The following MFN1 variants were observed in gnomAD, a reference collection of about 807,000 sequenced individuals.
MFN1 encodes mitofusin-1.
Under a neutral mutation model 92.4 loss-of-function variants are expected in MFN1, and 65 were observed. That is an observed-to-expected ratio of 0.70 (90% confidence interval 0.58 to 0.86). The LOEUF (loss-of-function observed/expected upper bound fraction) is 0.86. MFN1 is among the 40% of genes least tolerant of loss of function. MFN1 has a pLI of 0.00. For synonymous variants in MFN1, 297 were observed against 300.9 expected (o/e 0.99, Z 0.13); for missense variants, 781 against 868.0 (o/e 0.90, Z 1.26).
intron 2 of MFN1, among the ~76,000 whole-genome samples, chr3:179,350,676 TA>T (rs1296260477): frequency 1.3e-5 from 2 of 151,804 alleles, no homozygotes; most frequent in Admixed American, 6.6e-5. Context: ...AAAGCAAAAA[TA>T]AATGTAATGA....
intron 4 of MFN1, among the ~76,000 whole-genome samples, chr3:179,360,986 T>C (rs1402060024): frequency 6.6e-6 from 1 of 152,022 alleles, no homozygotes; most frequent in Non-Finnish European, 1.5e-5. Context: ...TAGCCAAGCA[T>C]AGTGGCGCAT....
At chr3:179,366,470 A>G (rs772469567) in intron 7 of MFN1, among the ~76,000 whole-genome samples, 1 of 151,816 alleles carries the variant, frequency 6.6e-6, no homozygotes, top group Non-Finnish European at 1.5e-5. Context: ...AATAATATTT[A>G]TTTAATTTGC....
rs368950182 is a variant in MFN1 at position 179,365,551 on chromosome 3, G to A, written c.753+326G>A. ...CCTAAAGTGCTGGGATGACAGGCCT[G>A]AGCCACCATGCCTGGCCAAATTTTA... On this transcript the variant is annotated intron_variant, in intron 7 of 17. Transcript: ENST00000471841. 1.8e-3 allele frequency among the ~76,000 whole-genome samples: 273 copies of A among 152,232 alleles called. 3 individuals are homozygous for A. Among genetic ancestry groups the A allele is most frequent in the African/African-American group, 6.3e-3 (260 of 41,532 alleles).
chr3:179,353,584 T>C (rs1272160186), intron 3 of MFN1, among the ~76,000 whole-genome samples: 1 of 152,058 alleles, frequency 6.6e-6, no homozygotes, highest in African/African-American at 2.4e-5. Context: ...AAAAAGGCAG[T>C]GATCAGGTAC....
Position 179,364,305 on chromosome 3 carries a change from C to T in MFN1, c.545C>T (p.Thr182Ile), listed in dbSNP as rs1402323188. The T allele has an allele frequency of 1.2e-6, 2 of 1,609,170 alleles. No homozygotes were observed. Among genetic ancestry groups the T allele is most frequent in the Non-Finnish European group, 8.5e-7 (1 of 1,177,886 alleles). The change falls in exon 6 of 18, where the codon ACA (threonine) becomes ATA (isoleucine). Residue 182 changes from threonine to isoleucine, a missense_variant. By Grantham distance (89) the Thr-to-Ile change is moderately conservative (BLOSUM62 -1). Transcript: ENST00000471841. ...DDLVLVDSPGTDVTTELDSWI... is the reference protein window; with the variant it reads ...DDLVLVDSPGIDVTTELDSWI... ...TATTTCACTCTCATTAGTCCAGGCA[C>T]AGATGTCACTACAGAGCTGGATAGC... is the stretch of plus-strand genomic sequence containing the variant.
At chr3:179,373,299 A>G (rs1713093762) in intron 9 of MFN1, among the ~76,000 whole-genome samples, 1 of 152,220 alleles carries the variant, frequency 6.6e-6, no homozygotes, top group Non-Finnish European at 1.5e-5. Context: ...AAGGCTAAGC[A>G]TAGGTCGTAA....
chr3:179,380,920 T>C (rs181026873), intron 14 of MFN1, among the ~76,000 whole-genome samples: 1 of 147,092 alleles, frequency 6.8e-6, no homozygotes, highest in East Asian at 2.0e-4. Flanking sequence ...ATTGGTGACT[T>C]TGAAGTATGT....
chr3:179,378,637 G>A lies in MFN1; in HGVS notation c.1485G>A (p.Leu495=). 1 of 1,613,630 alleles carries A rather than the reference G, an allele frequency of 6.2e-7. No homozygotes were observed. Among genetic ancestry groups the A allele is most frequent in the East Asian group, 2.2e-5 (1 of 44,862 alleles). The change falls in exon 14 of 18, where the codon CTG becomes CTA. Residue 495 remains leucine (L), a synonymous_variant. Coordinates refer to ENST00000471841, the MANE Select transcript of MFN1 (RefSeq NM_033540.3). The stretch of plus-strand genomic sequence containing the variant: ...GTATACAGGATAAACTACATACACT[G>A]ATCCCTTGCAAGAAATTTGATCTCA... ...PAGIQDKLHT[L]IPCKKFDLSY...
intron 14 of MFN1, among the ~76,000 whole-genome samples, chr3:179,385,233 T>C (rs1304030284): frequency 3.6e-5 from 5 of 139,730 alleles, no homozygotes; most frequent in African/African-American, 1.3e-4. Context: ...TTTTTTTTTT[T>C]AGTTTATCAT....
chr3:179,352,854 C>T lies in MFN1; in HGVS notation c.248+819C>T, dbSNP rs375459361. The stretch of plus-strand genomic sequence containing the variant: ...GCAACCTCCACATCCCGGGTTCAAG[C>T]GATTCTCCTGCCTCAGCCTCCCTAG... On this transcript the variant is annotated intron_variant, in intron 3 of 17. Coordinates refer to ENST00000471841, the MANE Select transcript of MFN1 (RefSeq NM_033540.3). Among the ~76,000 whole-genome samples, 12 of 152,026 alleles carry T rather than the reference C, an allele frequency of 7.9e-5. No individual in the cohort carries two copies. In the East Asian group the frequency reaches 9.7e-4, roughly 12 times the overall value.
At chr3:179,357,528 T>A (rs1712391007) in intron 3 of MFN1, among the ~76,000 whole-genome samples, 1 of 152,124 alleles carries the variant, frequency 6.6e-6, no homozygotes, top group African/African-American at 2.4e-5. Context: ...ATCCATAACA[T>A]AAAGAAAAGT....
intron 3 of MFN1, among the ~76,000 whole-genome samples, chr3:179,355,081 G>T (rs946909155): frequency 6.6e-6 from 1 of 152,102 alleles, no homozygotes; most frequent in African/African-American, 2.4e-5. Flanking sequence ...ACAGGTGTGA[G>T]CCCCCGTGCC....
intron 1 of MFN1, 150 bp from the exon 2 acceptor site, chr3:179,348,695 C>T (rs1712017621): frequency 8.2e-7 from 1 of 1,221,828 alleles, no homozygotes; most frequent in Admixed American, 2.6e-5. Flanking sequence ...AACTGTCTGA[C>T]TAGAACACTC....
intron 9 of MFN1, 34 bp from the exon 10 acceptor site, chr3:179,375,186 T>G: frequency 6.5e-7 from 1 of 1,549,942 alleles, no homozygotes; most frequent in Non-Finnish European, 8.7e-7. Flanking sequence ...GCGATGGAAT[T>G]ACAGTAATGT....
chr3:179,368,901 CT>C (rs1312542992), intron 9 of MFN1, among the ~76,000 whole-genome samples: 1 of 152,178 alleles, frequency 6.6e-6, no homozygotes, highest in Admixed American at 6.5e-5. Flanking sequence ...GTAGTAACTG[CT>C]TTAATGTAAA....
intron 2 of MFN1, among the ~76,000 whole-genome samples, chr3:179,351,034 ACCTCAAGGGATCTGCCCACTTCG>A (rs1712126199): frequency 6.6e-6 from 1 of 152,198 alleles, no homozygotes; most frequent in African/African-American, 2.4e-5. Context: ...TGAACTCCTG[ACCTCAAGGGATCTGCCCACTTCG>A]GCCTCCCAAA....
Position 179,354,236 on chromosome 3 carries a change from T to C in MFN1, c.248+2201T>C, listed in dbSNP as rs1712263193. Among the ~76,000 whole-genome samples the C allele has an allele frequency of 2.6e-5, 4 of 152,220 alleles. No homozygotes were observed. The South Asian group carries it at 8.3e-4, about 32-fold the overall frequency. On this transcript the variant is annotated intron_variant, in intron 3 of 17. Transcript: ENST00000471841. ...TGAAAAAGGTCCAAAAGCTCATTTC[T>C]TGCAGAAAGCCATAAATAGAAAGGG...
intron 3 of MFN1, among the ~76,000 whole-genome samples, chr3:179,358,628 G>C (rs181743113): frequency 6.6e-6 from 1 of 152,342 alleles, no homozygotes; most frequent in East Asian, 1.9e-4. Flanking sequence ...ACTACTGTGA[G>C]AAAGGTGGGA....
At chr3:179,382,728 C>G (rs1005229903) in intron 14 of MFN1, among the ~76,000 whole-genome samples, 10 of 152,200 alleles carry the variant, frequency 6.6e-5, no homozygotes, top group Admixed American at 3.9e-4. Flanking sequence ...TCCTCTCCAG[C>G]ACCTGTTGTT....
Sources: gnomAD v4.1 joint callset for allele counts (sites outside exome capture counted in the v4.1 genomes callset) on GRCh38, gnomAD v4.1.1 for gene constraint, MANE v1.5 for transcripts, NCBI Gene and HGNC (gene_info 2026-07-23, HGNC 2026-07-21) for gene names.